The following GNPAT variants were observed in gnomAD, a reference collection of about 807,000 sequenced individuals.
GNPAT encodes the protein glyceronephosphate O-acyltransferase, also known as dihydroxyacetone phosphate acyltransferase.
Under a neutral mutation model 78.4 loss-of-function variants are expected in GNPAT, and 30 were observed. That is an observed-to-expected ratio of 0.38 (90% CI 0.29 to 0.52). The LOEUF (loss-of-function observed/expected upper bound fraction) is 0.52. Ranked by LOEUF, GNPAT falls within the 20% of genes least tolerant of loss-of-function variation. The pLI is 0.84. For synonymous variants in GNPAT, 271 were observed against 281.1 expected (o/e 0.96, Z 0.36); for missense variants, 714 against 812.2 (o/e 0.88, Z 1.47).
At chr1:231,274,556 G>C (rs954692311) in intron 12 of GNPAT, among the ~76,000 whole-genome samples, 1 of 152,220 alleles carries the variant, frequency 6.6e-6, no homozygotes, top group Non-Finnish European at 1.5e-5. Context: ...AGAGAGATGG[G>C]ATGGTATGTT....
chr1:231,243,914 G>GTAT (rs1684684233), intron 1 of GNPAT, among the ~76,000 whole-genome samples: 1 of 151,590 alleles, frequency 6.6e-6, no homozygotes, highest in Non-Finnish European at 1.5e-5. Context: ...GTGTGTATAT[G>GTAT]TATTTTTTTT....
chr1:231,256,197 G>A (rs1685052616), intron 2 of GNPAT, among the ~76,000 whole-genome samples: 1 of 152,052 alleles, frequency 6.6e-6, no homozygotes, highest in East Asian at 1.9e-4. Flanking sequence ...GATCTCTTTT[G>A]AGTTTCATGT....
Position 231,277,757 on chromosome 1 carries a change from T to A in GNPAT, c.*215T>A. The stretch of plus-strand genomic sequence containing the variant: ...AAAGGCGTTTGTATCTGACACTATG[T>A]GTGTGTTTTAAAATAAACTTTTGGA... On this transcript the variant is annotated 3_prime_UTR_variant, in exon 16 of 16. Transcript: ENST00000366647. 1.9e-6 allele frequency: 1 copy of A among 529,878 alleles called. No homozygotes were observed. Among genetic ancestry groups the A allele is most frequent in the Admixed American group, 3.3e-5 (1 of 30,528 alleles). 32.8% of individuals were successfully genotyped at this position (529,878 alleles called of 1,614,324 possible).
chr1:231,274,532 T>C (rs1400882429), intron 12 of GNPAT, among the ~76,000 whole-genome samples: 2 of 152,202 alleles, frequency 1.3e-5, no homozygotes, highest in Admixed American at 1.3e-4. Flanking sequence ...TTGTCAGAGC[T>C]CTTGGGAGTA....
At position 231,276,156 on chromosome 1, in the gene GNPAT, T is replaced by C; in HGVS notation, c.1959T>C (p.Asn653=). ...CTAGAAATAATAACTGTATATTTAATGTGAATGAACCTGCCACAACCAAAT... is the reference window on the plus strand; with the variant it reads ...CTAGAAATAATAACTGTATATTTAACGTGAATGAACCTGCCACAACCAAAT... ...KKKINNNCIF[N]VNEPATTKLE... is the part of the protein sequence containing the mutation. Residue 653 remains asparagine, a synonymous_variant, in exon 15 of 16, where the codon AAT becomes AAC. Coordinates refer to ENST00000366647, the MANE Select transcript of GNPAT (RefSeq NM_014236.4). 1 of 1,362,720 alleles carries C rather than the reference T, an allele frequency of 7.3e-7. No homozygotes were observed. Among genetic ancestry groups the C allele is most frequent in the South Asian group, 1.2e-5 (1 of 85,440 alleles). 84.4% of individuals were successfully genotyped at this position (1,362,720 alleles called of 1,614,324 possible).
chr1:231,251,185 G>C, intron 2 of GNPAT, 42 bp downstream of exon 2: 2 of 1,189,778 alleles, frequency 1.7e-6, no homozygotes, highest in Non-Finnish European at 2.4e-6. Flanking sequence ...TTTGTTCATT[G>C]TCAACAAGTT....
rs975658709 is a variant in GNPAT, at chr1:231,266,206, G to T, written c.924+41G>T. 4 of 1,612,152 alleles carry T rather than the reference G, an allele frequency of 2.5e-6. No homozygotes were observed. In the African/African-American group the frequency reaches 4.0e-5, roughly 16 times the overall value. ...TTTAGCTTAATTGAGAGAATGTGCT[G>T]ACTGACACATCAACTAATTTCTAAA... On this transcript the variant is annotated intron_variant, in intron 7 of 15. Transcript: ENST00000366647.
chr1:231,245,578 T>G (rs1684724727), intron 1 of GNPAT, among the ~76,000 whole-genome samples: 1 of 152,300 alleles, frequency 6.6e-6, no homozygotes, highest in South Asian at 2.1e-4. Flanking sequence ...ATATTCTCTT[T>G]CCAGTGGTGT....
At position 231,275,243 on chromosome 1, in the gene GNPAT, G is replaced by C. The variant is rs772837574; in HGVS notation, c.1766G>C (p.Ser589Thr). 2 of 1,608,090 alleles carry C rather than the reference G, an allele frequency of 1.2e-6. No individual in the cohort carries two copies. The highest frequency in any genetic ancestry group is 1.7e-5 in the Admixed American group (1 of 59,988). The change falls in exon 13 of 16, where the codon AGT (serine) becomes ACT (threonine). Residue 589 changes from serine (S) to threonine (T), a missense_variant. Transcript: ENST00000366647. ...SYQIICKYLL[S>T]EEEDHFSEEQ... ...CAGATAATTTGCAAGTACCTTTTGA[G>C]TGAAGAAGAGGACCACTTCAGTGAG...
intron 1 of GNPAT, among the ~76,000 whole-genome samples, chr1:231,245,487 T>C (rs958758124): frequency 1.3e-5 from 2 of 152,108 alleles, no homozygotes; most frequent in Non-Finnish European, 2.9e-5. Flanking sequence ...TCTCAAACGA[T>C]TGATCCTCTT....
intron 2 of GNPAT, among the ~76,000 whole-genome samples, chr1:231,253,781 GTC>G (rs1684965247): frequency 6.6e-6 from 1 of 152,188 alleles, no homozygotes; most frequent in Admixed American, 6.5e-5. Flanking sequence ...AAGAATTCCT[GTC>G]TCTTTTTTCA....
At chr1:231,277,335 G>A (rs141237024) in intron 15 of GNPAT, among the ~76,000 whole-genome samples, 164 bp from the exon 16 acceptor site, 5 of 152,314 alleles carry the variant, frequency 3.3e-5, no homozygotes, top group Admixed American at 6.5e-5. Flanking sequence ...AGCATCTACC[G>A]CTTCCCTTGT....
chr1:231,277,724 A>G lies in GNPAT; in HGVS notation c.*182A>G. ...CAATCAGTTTACTCTTCCCCACCACAGTGGTTAAAAGGCGTTTGTATCTGA... is the reference window on the plus strand; with the variant it reads ...CAATCAGTTTACTCTTCCCCACCACGGTGGTTAAAAGGCGTTTGTATCTGA... On this transcript the variant is annotated 3_prime_UTR_variant, in exon 16 of 16. Transcript: ENST00000366647. 1 of 602,024 alleles carries G rather than the reference A, an allele frequency of 1.7e-6. No homozygotes were observed. Among genetic ancestry groups the G allele is most frequent in the South Asian group, 2.0e-5 (1 of 51,262 alleles). The allele number at this position is 602,024 out of a possible 1,614,324, so 37.3% of individuals were successfully genotyped here. A position where few individuals can be genotyped will look rare whatever the true frequency, so the allele number is the denominator to read the frequency against.
intron 3 of GNPAT, 96 bp from the exon 4 acceptor site, chr1:231,262,627 C>T (rs1685252191): frequency 1.0e-6 from 1 of 991,764 alleles, no homozygotes; most frequent in Non-Finnish European, 1.6e-6. Context: ...TGGGTATTCC[C>T]TCTAAATATA....
chr1:231,272,113 C>A (rs1685585961), intron 10 of GNPAT, among the ~76,000 whole-genome samples, 199 bp from the exon 11 acceptor site: 1 of 152,122 alleles, frequency 6.6e-6, no homozygotes, highest in African/African-American at 2.4e-5. Flanking sequence ...AAACAAAAAA[C>A]AAACTATGCT....
intron 1 of GNPAT, among the ~76,000 whole-genome samples, chr1:231,245,292 T>G (rs1169029473): frequency 1.3e-5 from 2 of 152,168 alleles, no homozygotes; most frequent in Non-Finnish European, 2.9e-5. Context: ...TCACCTAGAG[T>G]GGAGTGCAGT....
chr1:231,257,566 T>C (rs1442095125), intron 2 of GNPAT, among the ~76,000 whole-genome samples: 1 of 152,218 alleles, frequency 6.6e-6, no homozygotes. Context: ...TAGATGGTCC[T>C]CATTGATCTC....
In GNPAT at chr1:231,260,610, G is replaced by A. The variant is rs374742858; in HGVS notation, c.365G>A (p.Cys122Tyr). The A allele has an allele frequency of 6.0e-5, 96 of 1,613,282 alleles. No individual in the cohort carries two copies. Among genetic ancestry groups the A allele is most frequent in the Non-Finnish European group, 6.4e-5 (75 of 1,179,484 alleles). The part of the protein sequence containing the change: ...HKLRLGAIRF[C>Y]AFTLSKVFKQ... ...CTGCGTCTTGGAGCCATTCGGTTTT[G>A]TGCCTTCACCCTGAGCAAAGTATTT... The change falls in exon 3 of 16, where the codon TGT becomes TAT. Residue 122 changes from cysteine to tyrosine, a missense_variant. Physicochemically the swap from Cys to Tyr is radical, Grantham distance 194. Transcript: ENST00000366647.
Position 231,264,774 on chromosome 1 carries a change from G to A in GNPAT, c.569-519G>A, listed in dbSNP as rs539389076. ...AGCGGGTTTGGCCTGGCTGTCCAGAGCATGAAGGGCACATATTGGTCTGTT... is the reference window on the plus strand; with the variant it reads ...AGCGGGTTTGGCCTGGCTGTCCAGAACATGAAGGGCACATATTGGTCTGTT... On this transcript the variant is annotated intron_variant, in intron 4 of 15. Transcript: ENST00000366647. Among the ~76,000 whole-genome samples, 5 of 152,336 alleles carry A rather than the reference G, an allele frequency of 3.3e-5. No individual in the cohort carries two copies. The South Asian group carries it at 1.0e-3, about 32-fold the overall frequency.
Sources: allele counts gnomAD v4.1 joint callset (sites outside exome capture counted in the v4.1 genomes callset), GRCh38; gene constraint gnomAD v4.1.1; transcripts MANE v1.5; gene names NCBI Gene and HGNC (gene_info 2026-07-23, HGNC 2026-07-21).